The following STK32B variants were observed in gnomAD, a reference collection of about 807,000 sequenced individuals.
STK32B encodes serine/threonine-protein kinase 32B.
A neutral mutation model predicts 52.6 loss-of-function variants in STK32B; 43 were observed. That is an observed-to-expected ratio of 0.82 (90% CI 0.64 to 1.05). The LOEUF (loss-of-function observed/expected upper bound fraction) is 1.05, where lower values mean the gene tolerates loss of function less well. STK32B is among the 50% of genes least tolerant of loss of function. The pLI, the probability that STK32B is intolerant of heterozygous loss-of-function variation, is 0.00. For missense variants in STK32B, 621 were observed against 534.6 expected (o/e 1.16, Z -1.59); for synonymous variants, 238 against 204.3 (o/e 1.17, Z -1.41).
intron 3 of STK32B, among the ~76,000 whole-genome samples, chr4:5,312,813 G>T (rs1730395881): frequency 1.3e-5 from 2 of 151,910 alleles, no homozygotes; most frequent in African/African-American, 4.8e-5. Flanking sequence ...GTAATGGGAT[G>T]GCTGGGTCAA....
Position 5,460,305 on chromosome 4 carries a change from G to C in STK32B, c.909+77G>C. ...CTTGGTGCAAAGCAAGACTTTGGCA[G>C]CTGGCTAGTGAGCCCTCTGCTGGCC... On this transcript the variant is annotated intron_variant, in intron 9 of 11. Transcript: ENST00000282908. This position sits in a 1 kb window ranked among gnomAD's most constrained non-coding sequence, Gnocchi z 4.8. The C allele has an allele frequency of 6.5e-7, 1 of 1,536,102 alleles. No homozygotes were observed. The highest frequency in any genetic ancestry group is 8.8e-7 in the Non-Finnish European group (1 of 1,142,168).
At chr4:5,397,763 C>T (rs941684350) in intron 4 of STK32B, among the ~76,000 whole-genome samples, 3 of 152,236 alleles carry the variant, frequency 2.0e-5, no homozygotes, top group East Asian at 1.9e-4. Context: ...GGCCAAGAGC[C>T]GTAGTTTGCC....
At chr4:5,317,246 A>T (rs1419483081) in intron 3 of STK32B, among the ~76,000 whole-genome samples, 2 of 41,362 alleles carry the variant, frequency 4.8e-5, no homozygotes, top group Non-Finnish European at 6.4e-5. Flanking sequence ...TATATATATT[A>T]TATATAACAT....
At chr4:5,471,990 G>T (rs547333843) in intron 11 of STK32B, among the ~76,000 whole-genome samples, 1 of 152,180 alleles carries the variant, frequency 6.6e-6, no homozygotes, top group Admixed American at 6.5e-5. Context: ...CATAGGCCAC[G>T]TATGCTTCCT....
chr4:5,133,209 G>A (rs895745218), intron 1 of STK32B, among the ~76,000 whole-genome samples: 1 of 152,232 alleles, frequency 6.6e-6, no homozygotes, highest in Non-Finnish European at 1.5e-5. Context: ...TTCCCGGTAC[G>A]TAGTAGAGGG....
intron 1 of STK32B, among the ~76,000 whole-genome samples, chr4:5,066,541 A>G (rs1243794541): frequency 1.3e-5 from 2 of 152,144 alleles, no homozygotes; most frequent in Non-Finnish European, 2.9e-5. Flanking sequence ...ATCCTTCAGA[A>G]CCCTGTATGG....
At chr4:5,064,405 A>G (rs1451219606) in intron 1 of STK32B, among the ~76,000 whole-genome samples, 2 of 78,882 alleles carry the variant, frequency 2.5e-5, no homozygotes, top group East Asian at 8.1e-4. Context: ...ACTTATATAC[A>G]TATAATATAT....
intron 6 of STK32B, among the ~76,000 whole-genome samples, chr4:5,444,646 A>G (rs1347515405): frequency 6.6e-6 from 1 of 152,212 alleles, no homozygotes; most frequent in Admixed American, 6.5e-5. Context: ...GGCATTCTTA[A>G]GGATCATGAT....
At chr4:5,153,402 A>G (rs1717533398) in intron 2 of STK32B, among the ~76,000 whole-genome samples, 1 of 152,036 alleles carries the variant, frequency 6.6e-6, no homozygotes, top group Non-Finnish European at 1.5e-5. Flanking sequence ...TTATGTGAGA[A>G]TAAGGGGGCA....
At chr4:5,401,560 C>G (rs1271474679) in intron 5 of STK32B, among the ~76,000 whole-genome samples, 1 of 152,204 alleles carries the variant, frequency 6.6e-6, no homozygotes, top group African/African-American at 2.4e-5. Flanking sequence ...TGGACACTTT[C>G]ATTCTGCTCT....
At chr4:5,074,252 A>G (rs747770451) in intron 1 of STK32B, among the ~76,000 whole-genome samples, 12 of 151,398 alleles carry the variant, frequency 7.9e-5, no homozygotes, top group Non-Finnish European at 1.5e-4. Flanking sequence ...TTCAGTTTGG[A>G]TACAGTTTTT....
At chr4:5,465,295 C>G (rs1017827432) in intron 9 of STK32B, among the ~76,000 whole-genome samples, 1 of 152,090 alleles carries the variant, frequency 6.6e-6, no homozygotes, top group Admixed American at 6.5e-5. Context: ...CACTAGTGCC[C>G]TCATCTTACA....
intron 3 of STK32B, among the ~76,000 whole-genome samples, chr4:5,323,894 C>G (rs984541341): frequency 3.3e-5 from 5 of 152,304 alleles, no homozygotes; most frequent in Middle Eastern, 3.4e-3. Context: ...AGTCTAGGTT[C>G]TGGACATGGA....
chr4:5,235,024 G>A (rs183503595), intron 3 of STK32B, among the ~76,000 whole-genome samples: 1 of 152,324 alleles, frequency 6.6e-6, no homozygotes, highest in Non-Finnish European at 1.5e-5. Context: ...TGACAGTTGA[G>A]TTCATTATGA....
chr4:5,136,371 G>T (rs1459374359), intron 1 of STK32B, among the ~76,000 whole-genome samples: 1 of 94,732 alleles, frequency 1.1e-5, no homozygotes, highest in Non-Finnish European at 2.2e-5. Context: ...ACTTTTAGCG[G>T]TGTAACCCTT....
At chr4:5,020,870 C>A in the STK32B span, among the ~76,000 whole-genome samples, 1 of 152,142 alleles carries the variant, frequency 6.6e-6, no homozygotes, top group African/African-American at 2.4e-5. Flanking sequence ...AATTCCCAGG[C>A]GAGGAAACTG....
chr4:5,451,881 A>G (rs1461385378), intron 7 of STK32B, among the ~76,000 whole-genome samples: 1 of 152,118 alleles, frequency 6.6e-6, no homozygotes, highest in Non-Finnish European at 1.5e-5. Context: ...CCATTAGCAC[A>G]ATGCATTGCA....
intron 3 of STK32B, among the ~76,000 whole-genome samples, chr4:5,217,365 C>T (rs1036535832): frequency 6.6e-6 from 1 of 152,102 alleles, no homozygotes; most frequent in Non-Finnish European, 1.5e-5. Context: ...AGGAAGTCTG[C>T]AGAACAATGA....
rs1381869507 is a variant in STK32B, at chr4:5,462,955, G to A, written c.909+2727G>A. On this transcript the variant is annotated intron_variant, in intron 9 of 11. Transcript: ENST00000282908. ...GGGCAGGGCCCTCGGAAGGAGACCCGCAGGCTCTGCTGAGCCGGGAGTAAA... is the reference window on the plus strand; with the variant it reads ...GGGCAGGGCCCTCGGAAGGAGACCCACAGGCTCTGCTGAGCCGGGAGTAAA... Among the ~76,000 whole-genome samples the A allele has an allele frequency of 7.9e-5, 12 of 152,316 alleles. No homozygotes were observed. The East Asian group carries it at 1.5e-3, about 20-fold the overall frequency.
Sources: allele counts gnomAD v4.1 joint callset (sites outside exome capture counted in the v4.1 genomes callset), GRCh38; gene constraint gnomAD v4.1.1; non-coding constraint Gnocchi (gnomAD v3.1); transcripts MANE v1.5; gene names NCBI Gene and HGNC (gene_info 2026-07-23, HGNC 2026-07-21).